Variants in ADK observed in about 807,000 individuals in gnomAD.
ADK encodes the protein N6,N6-dimethyladenosine kinase.
ADK carries 24 observed loss-of-function variants against 44.7 expected under a neutral mutation model. The observed-to-expected ratio is 0.54, with a 90% CI of 0.39 to 0.76. ADK has a LOEUF of 0.76. Among genes scored for constraint, ADK ranks in the 30% least tolerant of loss-of-function variants. The probability of loss-of-function intolerance (pLI) is 0.00; values close to 1 mark genes in which losing one functional copy is unlikely to be tolerated. For synonymous variants in ADK, 128 were observed against 142.6 expected (o/e 0.90, Z 0.73); for missense variants, 321 against 425.1 (o/e 0.76, Z 2.15).
chr10:74,416,540 AGGTT>A (rs1330767164), intron 6 of ADK, among the ~76,000 whole-genome samples: 3 of 147,796 alleles, frequency 2.0e-5, no homozygotes, highest in Non-Finnish European at 4.5e-5. Flanking sequence ...TTCTGGCACA[AGGTT>A]GGTTTTTGTT....
At chr10:74,206,629 A>G (rs1183728051) in intron 2 of ADK, among the ~76,000 whole-genome samples, 4 of 152,234 alleles carry the variant, frequency 2.6e-5, no homozygotes, top group Non-Finnish European at 4.4e-5. Context: ...TTTCACACAT[A>G]TATAATCAGT....
In ADK at chr10:74,398,513, G is replaced by A. The variant is rs576374556; in HGVS notation, c.489G>A (p.Lys163=). The change falls in exon 6 of 11, where the codon AAG becomes AAA. Residue 163 remains lysine (K), a synonymous_variant. Transcript: ENST00000539909. ...TTGCTGCTGCCAATTGTTATAAAAA[G>A]GAAAAACATCTTGATCTGGAGAAAA... is the stretch of plus-strand genomic sequence containing the variant. ...ANLAAANCYK[K]EKHLDLEKNW... is the part of the protein sequence containing the mutation. The A allele has an allele frequency of 2.5e-6, 4 of 1,611,668 alleles. No homozygotes were observed. In the African/African-American group the frequency reaches 5.3e-5, roughly 22 times the overall value.
At chr10:74,353,463 G>A (rs1188888649) in intron 4 of ADK, among the ~76,000 whole-genome samples, 3 of 151,440 alleles carry the variant, frequency 2.0e-5, no homozygotes. Flanking sequence ...TGCATGCAGA[G>A]CTTAAAACTT....
chr10:74,444,747 G>A (rs1845537938), intron 6 of ADK, among the ~76,000 whole-genome samples: 1 of 152,074 alleles, frequency 6.6e-6, no homozygotes, highest in South Asian at 2.1e-4. Flanking sequence ...TTAGCATCTA[G>A]CAGTGAGTTC....
chr10:74,424,883 T>G (rs891889238), intron 6 of ADK, among the ~76,000 whole-genome samples: 4 of 152,210 alleles, frequency 2.6e-5, no homozygotes, highest in African/African-American at 4.8e-5. Context: ...TTTATCATTT[T>G]GATAAACTCA....
intron 9 of ADK, among the ~76,000 whole-genome samples, chr10:74,620,162 T>G (rs1852935056): frequency 1.3e-5 from 2 of 152,236 alleles, no homozygotes; most frequent in South Asian, 4.1e-4. Flanking sequence ...ATGTAATATA[T>G]TATTGTTAAC....
chr10:74,293,143 G>A (rs567059302), intron 3 of ADK, among the ~76,000 whole-genome samples: 16 of 123,492 alleles, frequency 1.3e-4, no homozygotes, highest in African/African-American at 4.6e-4. Flanking sequence ...TCCAGCCCCC[G>A]TGACTGATTG....
chr10:74,240,316 T>C (rs555820946), intron 3 of ADK, among the ~76,000 whole-genome samples: 1 of 152,184 alleles, frequency 6.6e-6, no homozygotes, highest in African/African-American at 2.4e-5. Context: ...TATAATCCTA[T>C]CAAAATATTC....
chr10:74,683,801 C>T (rs910817455), intron 10 of ADK, among the ~76,000 whole-genome samples: 1 of 152,168 alleles, frequency 6.6e-6, no homozygotes, highest in Non-Finnish European at 1.5e-5. Context: ...TGTCGTCCTC[C>T]GTAAGGGAAA....
intron 9 of ADK, among the ~76,000 whole-genome samples, chr10:74,617,364 A>G (rs1373248878): frequency 6.6e-6 from 1 of 152,196 alleles, no homozygotes; most frequent in African/African-American, 2.4e-5. Context: ...TAGTTTGCTA[A>G]GAGTTTTTGT....
chr10:74,296,684 T>C (rs1435336640), intron 3 of ADK, among the ~76,000 whole-genome samples: 1 of 151,544 alleles, frequency 6.6e-6, no homozygotes, highest in Non-Finnish European at 1.5e-5. Context: ...CCATCTTGGC[T>C]CACTGCAAGC....
intron 6 of ADK, among the ~76,000 whole-genome samples, chr10:74,422,796 A>G (rs974102666): frequency 6.6e-6 from 1 of 152,182 alleles, no homozygotes; most frequent in Non-Finnish European, 1.5e-5. Context: ...ATTGTGATTT[A>G]GTCAGAACAG....
chr10:74,503,672 T>C (rs899878071), intron 6 of ADK, among the ~76,000 whole-genome samples: 29 of 152,258 alleles, frequency 1.9e-4, no homozygotes, highest in African/African-American at 6.3e-4. Context: ...TAAAACTTCA[T>C]TGGGCAGAAA....
At chr10:74,345,262 A>G (rs1358449565) in intron 4 of ADK, among the ~76,000 whole-genome samples, 1 of 150,432 alleles carries the variant, frequency 6.6e-6, no homozygotes, top group South Asian at 2.1e-4. Flanking sequence ...TGACATTAAT[A>G]TAGCCACTTT....
intron 6 of ADK, among the ~76,000 whole-genome samples, chr10:74,425,434 C>T (rs536218510): frequency 2.0e-5 from 3 of 152,030 alleles, no homozygotes; most frequent in South Asian, 2.1e-4. Context: ...GACTTCGTAT[C>T]GTTAATGTAC....
intron 9 of ADK, among the ~76,000 whole-genome samples, chr10:74,662,000 A>G (rs1854753024): frequency 6.6e-6 from 1 of 152,252 alleles, no homozygotes; most frequent in East Asian, 1.9e-4. Context: ...CTATTGTTCA[A>G]CAAATACTTA....
rs145244997 is a variant in ADK, at chr10:74,230,348, C to T, written c.194+5757C>T. Among the ~76,000 whole-genome samples, 52 of 151,988 alleles carry T rather than the reference C, an allele frequency of 3.4e-4. 2 individuals are homozygous for T. In the East Asian group the frequency reaches 3.5e-3, roughly 10 times the overall value. On this transcript the variant is annotated intron_variant, in intron 3 of 10. Transcript: ENST00000539909. ...TTTATCATGAATAAGGTGAGAGTAACATTGATAAAATGACTTGCTATAGTT... is the reference window on the plus strand; with the variant it reads ...TTTATCATGAATAAGGTGAGAGTAATATTGATAAAATGACTTGCTATAGTT...
At chr10:74,425,557 A>G (rs752518956) in intron 6 of ADK, among the ~76,000 whole-genome samples, 1 of 152,042 alleles carries the variant, frequency 6.6e-6, no homozygotes. Flanking sequence ...TTTCTATTTC[A>G]CACTATGGCT....
At chr10:74,643,959 G>A (rs1445555796) in intron 9 of ADK, among the ~76,000 whole-genome samples, 2 of 152,138 alleles carry the variant, frequency 1.3e-5, no homozygotes, top group Non-Finnish European at 2.9e-5. Flanking sequence ...TGTCCTCCTA[G>A]CATCAAACAC....
Sources: allele counts gnomAD v4.1 joint callset (sites outside exome capture counted in the v4.1 genomes callset), GRCh38; gene constraint gnomAD v4.1.1; transcripts MANE v1.5; gene names NCBI Gene and HGNC (gene_info 2026-07-23, HGNC 2026-07-21).